The following FAT3 variants were observed in gnomAD, a reference collection of about 807,000 sequenced individuals.
FAT3 encodes the protein protocadherin Fat 3.
In FAT3, 95 loss-of-function variants were observed where a neutral mutation model predicts 310.2. The ratio of observed to expected loss-of-function variants is 0.31; its 90% CI spans 0.26 to 0.36. The LOEUF (loss-of-function observed/expected upper bound fraction) is 0.36. Among genes scored for constraint, FAT3 ranks in the 10% least tolerant of loss-of-function variants. The pLI, the probability that FAT3 is intolerant of heterozygous loss-of-function variation, is 1.00. For synonymous variants in FAT3, 2,314 were observed against 2,192.9 expected (o/e 1.06, Z -1.54); for missense variants, 5,408 against 5,715.6 (o/e 0.95, Z 1.74).
At chr11:92,566,488 TC>T (rs1955451710) in intron 3 of FAT3, among the ~76,000 whole-genome samples, 1 of 151,710 alleles carries the variant, frequency 6.6e-6, no homozygotes, top group Non-Finnish European at 1.5e-5. Context: ...TTCAATGCCA[TC>T]CCCATCAAGC....
At chr11:92,808,920 A>G (rs973886338) in intron 12 of FAT3, among the ~76,000 whole-genome samples, 3 of 152,080 alleles carry the variant, frequency 2.0e-5, no homozygotes, top group African/African-American at 7.2e-5. Flanking sequence ...AGCAAGACTC[A>G]GTCTCAAAAA....
At chr11:92,766,100 G>C (rs565382071) in intron 6 of FAT3, among the ~76,000 whole-genome samples, 1 of 152,120 alleles carries the variant, frequency 6.6e-6, no homozygotes, top group Admixed American at 6.6e-5. Flanking sequence ...GATAGACCCT[G>C]GGAGCCAACC....
intron 1 of FAT3, among the ~76,000 whole-genome samples, chr11:92,295,091 G>C (rs1946815179): frequency 6.6e-6 from 1 of 152,124 alleles, no homozygotes; most frequent in South Asian, 2.1e-4. Context: ...GAGGTTTTCT[G>C]TAAAATGCAT....
chr11:92,854,598 C>T lies in FAT3; in HGVS notation c.11366-2616C>T, dbSNP rs547025492. ...TGAATAAAAGGTAGAAGTACCCAAA[C>T]GCTAGATTTGTTCTGAAATACAGAG... On this transcript the variant is annotated intron_variant, in intron 19 of 27. Coordinates refer to ENST00000525166, the MANE Select transcript of FAT3 (RefSeq NM_001367949.2). Among the ~76,000 whole-genome samples, 7 of 152,324 alleles carry T rather than the reference C, an allele frequency of 4.6e-5. No homozygotes were observed. The East Asian group carries it at 7.7e-4, about 17-fold the overall frequency.
intron 2 of FAT3, among the ~76,000 whole-genome samples, chr11:92,461,415 T>C (rs1220072078): frequency 6.6e-6 from 1 of 152,160 alleles, no homozygotes; most frequent in South Asian, 2.1e-4. Flanking sequence ...TCAGAGTAAA[T>C]ACATTTATAA....
At chr11:92,889,447 G>T (rs57569860) in intron 26 of FAT3, among the ~76,000 whole-genome samples, 199 bp downstream of exon 26, 23,768 of 150,990 alleles carry the variant, frequency 0.16, 1,875 homozygotes, top group East Asian at 0.23. Context: ...AATATATAAG[G>T]TACCCTCTTT....
At chr11:92,565,722 G>T (rs1340975757) in intron 3 of FAT3, among the ~76,000 whole-genome samples, 1 of 151,446 alleles carries the variant, frequency 6.6e-6, no homozygotes, top group African/African-American at 2.4e-5. Context: ...GGGATGCAAG[G>T]CTGGTTCAAT....
In FAT3 at chr11:92,673,206, A is replaced by G. The variant is rs542517006; in HGVS notation, c.3608-24178A>G. On this transcript the variant is annotated intron_variant, in intron 3 of 27. Coordinates refer to ENST00000525166, the MANE Select transcript of FAT3 (RefSeq NM_001367949.2). Reference sequence around the variant, plus strand: ...AAATTGAAATTAGGTTATTTCCTCAATTTTATAAGACCAGCTCATATTTGG... The same window carrying G: ...AAATTGAAATTAGGTTATTTCCTCAGTTTTATAAGACCAGCTCATATTTGG... 5.3e-5 allele frequency among the ~76,000 whole-genome samples: 8 copies of G among 152,306 alleles called. No individual in the cohort carries two copies. The South Asian group carries it at 1.7e-3, about 32-fold the overall frequency.
At chr11:92,451,036 C>A (rs930933398) in intron 2 of FAT3, among the ~76,000 whole-genome samples, 1 of 151,478 alleles carries the variant, frequency 6.6e-6, no homozygotes, top group Admixed American at 6.6e-5. Context: ...CAAGGTGATT[C>A]TTTTTTTTTC....
At chr11:92,734,695 A>G (rs1393085387) in intron 4 of FAT3, among the ~76,000 whole-genome samples, 6 of 152,194 alleles carry the variant, frequency 3.9e-5, no homozygotes, top group Non-Finnish European at 7.3e-5. Flanking sequence ...TCAGGGAGAA[A>G]AAGGAACAAT....
At chr11:92,637,197 TGTAA>T (rs1425872071) in intron 3 of FAT3, among the ~76,000 whole-genome samples, 1 of 152,094 alleles carries the variant, frequency 6.6e-6, no homozygotes, top group Non-Finnish European at 1.5e-5. Context: ...TGAGAATTAG[TGTAA>T]GTGAGAGAAG....
intron 4 of FAT3, among the ~76,000 whole-genome samples, chr11:92,713,598 C>G (rs1410899490): frequency 6.6e-6 from 1 of 152,122 alleles, no homozygotes; most frequent in Non-Finnish European, 1.5e-5. Context: ...CTATTTGTAT[C>G]TAGATTTGTT....
rs1013690795 is a variant in FAT3 at position 92,564,955 on chromosome 11, C to A, written c.3607+40007C>A. Among the ~76,000 whole-genome samples the A allele has an allele frequency of 1.5e-4, 21 of 142,360 alleles. No individual in the cohort carries two copies. The South Asian group carries it at 4.4e-3, about 30-fold the overall frequency. 93.4% of individuals were successfully genotyped at this position (142,360 alleles called of 152,430 possible). On this transcript the variant is annotated intron_variant, in intron 3 of 27. Coordinates refer to ENST00000525166, the MANE Select transcript of FAT3 (RefSeq NM_001367949.2). ...AGCAGGAAAGATCCAAAATTGACAC[C>A]CTAACATCACAATTAAAAGAACTAG...
chr11:92,799,862 C>A lies in FAT3; in HGVS notation c.6849C>A (p.Asn2283Lys), dbSNP rs370953208. 3 of 1,613,174 alleles carry A rather than the reference C, an allele frequency of 1.9e-6. No homozygotes were observed. The African/African-American group carries it at 4.0e-5, about 22-fold the overall frequency. ...VDLLVNDVND[N>K]PPIFDQPTYN... ...TGCTAGTTAATGATGTAAATGACAA[C>A]CCCCCTATTTTCGATCAGCCTACAT... Residue 2283 changes from asparagine to lysine, a missense_variant, in exon 10 of 28, where the codon AAC (asparagine) becomes AAA (lysine). This residue lies in a region of FAT3 where 4,588 missense variants were observed against 4,809.8 expected (regional missense o/e 0.95). Transcript: ENST00000525166.
At chr11:92,836,443 G>C (rs1948410358) in intron 15 of FAT3, 123 bp from the exon 16 acceptor site, 6 of 1,123,818 alleles carry the variant, frequency 5.3e-6, no homozygotes, top group Non-Finnish European at 6.1e-6. Flanking sequence ...ACTAACATTA[G>C]AGAGCAGAGC....
At chr11:92,744,776 G>A (rs1329180867) in intron 4 of FAT3, among the ~76,000 whole-genome samples, 1 of 151,814 alleles carries the variant, frequency 6.6e-6, no homozygotes, top group Non-Finnish European at 1.5e-5. Context: ...TACACTGTAT[G>A]GGCCAAAAAA....
At chr11:92,654,783 C>A (rs1591570293) in intron 3 of FAT3, among the ~76,000 whole-genome samples, 1 of 152,188 alleles carries the variant, frequency 6.6e-6, no homozygotes, top group Non-Finnish European at 1.5e-5. Flanking sequence ...TTCCACATAG[C>A]AGCTAAAGTA....
At chr11:92,626,733 A>C (rs1458315) in intron 3 of FAT3, among the ~76,000 whole-genome samples, 44,334 of 152,086 alleles carry the variant, frequency 0.29, 6,777 homozygotes, top group Non-Finnish European at 0.33. Flanking sequence ...CTAAACCAAC[A>C]AAGAGTTAAG....
At chr11:92,272,213 G>C (rs570396769) in intron 1 of FAT3, among the ~76,000 whole-genome samples, 15 of 152,180 alleles carry the variant, frequency 9.9e-5, no homozygotes, top group African/African-American at 3.6e-4. Flanking sequence ...TGAGGAGGGG[G>C]TTACCAGTGT....
Sources: gnomAD v4.1 joint callset for allele counts (sites outside exome capture counted in the v4.1 genomes callset) on GRCh38, gnomAD v4.1.1 for gene constraint, gnomAD v4.1.1 regional missense constraint, MANE v1.5 for transcripts, NCBI Gene and HGNC (gene_info 2026-07-23, HGNC 2026-07-21) for gene names.